CAMTA1: variants seen among roughly 807,000 people sequenced by gnomAD.
CAMTA1 encodes the protein calmodulin binding transcription activator 1.
CAMTA1 carries 27 observed loss-of-function variants against 170.9 expected under a neutral mutation model. That is an observed-to-expected ratio of 0.16 (90% CI 0.12 to 0.22). The LOEUF (loss-of-function observed/expected upper bound fraction) is 0.22. CAMTA1 is among the 10% of genes least tolerant of loss of function. CAMTA1 has a pLI of 1.00. For missense variants in CAMTA1, 1,619 were observed against 2,217.2 expected (o/e 0.73, Z 5.42); for synonymous variants, 833 against 891.5 (o/e 0.93, Z 1.17).
intron 5 of CAMTA1, among the ~76,000 whole-genome samples, chr1:7,328,242 A>G (rs909277788): frequency 9.2e-5 from 14 of 152,210 alleles, no homozygotes; most frequent in African/African-American, 3.4e-4. Context: ...CACACCTGTA[A>G]TCCCAGCACT....
At chr1:7,480,443 C>G (rs2093510390) in intron 6 of CAMTA1, among the ~76,000 whole-genome samples, 1 of 151,702 alleles carries the variant, frequency 6.6e-6, no homozygotes, top group Non-Finnish European at 1.5e-5. Context: ...GAGAGATATC[C>G]TCGCCCCTAG....
intron 6 of CAMTA1, among the ~76,000 whole-genome samples, chr1:7,509,950 A>T (rs2094178392): frequency 6.6e-6 from 1 of 150,766 alleles, no homozygotes; most frequent in Non-Finnish European, 1.5e-5. Flanking sequence ...AGCTACCCTG[A>T]CTCTCAGTGA....
rs901368863 is a variant in CAMTA1, at chr1:7,547,795, A to G, written c.510+79894A>G. Among the ~76,000 whole-genome samples the G allele has an allele frequency of 2.6e-5, 4 of 151,950 alleles. No individual in the cohort carries two copies. In the Middle Eastern group the frequency reaches 0.01, roughly 388 times the overall value. The stretch of plus-strand genomic sequence containing the variant: ...TTCTTCCAACATAATCTCCCTGTAC[A>G]CAACCAGTCTCACATCTCTGCCACC... On this transcript the variant is annotated intron_variant, in intron 6 of 22. Transcript: ENST00000303635. This position sits in a 1 kb window ranked among gnomAD's most constrained non-coding sequence, Gnocchi z 5.7.
chr1:7,728,943 A>G (rs973123354), intron 11 of CAMTA1, among the ~76,000 whole-genome samples: 1 of 152,168 alleles, frequency 6.6e-6, no homozygotes, highest in African/African-American at 2.4e-5. Flanking sequence ...CCCTGTGGGA[A>G]GTTGCCACTG....
chr1:7,705,185 C>T (rs893866615), intron 11 of CAMTA1, among the ~76,000 whole-genome samples: 1 of 148,728 alleles, frequency 6.7e-6, no homozygotes, highest in Non-Finnish European at 1.5e-5. Flanking sequence ...GTGTGAGGGG[C>T]GTGTTTCTGG....
chr1:6,839,377 C>G (rs1035461161), intron 3 of CAMTA1, among the ~76,000 whole-genome samples: 1 of 151,698 alleles, frequency 6.6e-6, no homozygotes, highest in African/African-American at 2.4e-5. Flanking sequence ...GCGAGACTCT[C>G]TTAAAAAAAC....
intron 1 of CAMTA1, among the ~76,000 whole-genome samples, chr1:6,810,985 G>T (rs1645100092): frequency 6.6e-6 from 1 of 152,236 alleles, no homozygotes; most frequent in African/African-American, 2.4e-5. Flanking sequence ...TGGAAGTGCA[G>T]TTCCAGTTGA....
chr1:7,113,961 C>T lies in CAMTA1; in HGVS notation c.302+22590C>T, dbSNP rs981011740. Among the ~76,000 whole-genome samples, 7 of 152,314 alleles carry T rather than the reference C, an allele frequency of 4.6e-5. No homozygotes were observed. Among genetic ancestry groups the T allele is most frequent in the African/African-American group, 1.4e-4 (6 of 41,568 alleles). On this transcript the variant is annotated intron_variant, in intron 4 of 22. Coordinates refer to ENST00000303635, the MANE Select transcript of CAMTA1 (RefSeq NM_015215.4). This position sits in a 1 kb window ranked among gnomAD's most constrained non-coding sequence, Gnocchi z 4.5. ...TTACATCATCGGCAAGCCACTGTTT[C>T]GGATTCTTCAGGGCTGGCCTTCCCT...
At chr1:6,983,864 G>C (rs1468283136) in intron 3 of CAMTA1, among the ~76,000 whole-genome samples, 2 of 147,722 alleles carry the variant, frequency 1.4e-5, no homozygotes, top group African/African-American at 2.5e-5. Context: ...AGATGAATGG[G>C]TGGGTGGATA....
Position 7,704,158 on chromosome 1 carries a change from A to ACGC in CAMTA1, c.2914+26435_2914+26437dup, listed in dbSNP as rs563084091. ...GCTCCTCCCGCCGGCTGCATTGCAG[A>ACGC]CGCCGCCGCCGCAGGGCGCGCCGGG... is the stretch of plus-strand genomic sequence containing the variant. On this transcript the variant is annotated intron_variant, in intron 11 of 22. Coordinates refer to ENST00000303635, the MANE Select transcript of CAMTA1 (RefSeq NM_015215.4). Among the ~76,000 whole-genome samples the ACGC allele has an allele frequency of 6.8e-3, 1,016 of 150,100 alleles. 33 individuals are homozygous for ACGC. Among genetic ancestry groups the ACGC allele is most frequent in the Admixed American group, 0.052 (783 of 15,072 alleles).
At chr1:6,799,276 G>A (rs532558897) in intron 1 of CAMTA1, among the ~76,000 whole-genome samples, 1 of 151,996 alleles carries the variant, frequency 6.6e-6, no homozygotes, top group Admixed American at 6.6e-5. Context: ...GCTATGTTGC[G>A]CAGGCTTGTC....
intron 4 of CAMTA1, among the ~76,000 whole-genome samples, chr1:7,137,316 T>C (rs9434853): frequency 1 from 152,272 of 152,272 alleles, 76,136 homozygotes; most frequent in Non-Finnish European, 1. Context: ...TTAGGATTTC[T>C]TTTTGACATT....
intron 4 of CAMTA1, among the ~76,000 whole-genome samples, chr1:7,131,114 T>G (rs1414538869): frequency 6.6e-6 from 1 of 152,016 alleles, no homozygotes. Flanking sequence ...CCATCATGCC[T>G]GGCTAATTTT....
chr1:7,498,320 A>G (rs2093873298), intron 6 of CAMTA1, among the ~76,000 whole-genome samples: 2 of 149,022 alleles, frequency 1.3e-5, no homozygotes, highest in South Asian at 2.2e-4. Context: ...ATGTGTGTGT[A>G]AGAGTGAGTG....
intron 5 of CAMTA1, among the ~76,000 whole-genome samples, chr1:7,462,509 C>G (rs1357267387): frequency 2.6e-5 from 4 of 152,232 alleles, no homozygotes; most frequent in Non-Finnish European, 5.9e-5. Flanking sequence ...AGGTGATTGG[C>G]CTCCCAAAGT....
intron 3 of CAMTA1, among the ~76,000 whole-genome samples, chr1:6,921,670 C>G (rs1474279824): frequency 6.6e-6 from 1 of 152,172 alleles, no homozygotes; most frequent in African/African-American, 2.4e-5. Context: ...CTGGGGAGGC[C>G]TCACAATCAT....
chr1:7,355,807 C>T (rs1440586867), intron 5 of CAMTA1, among the ~76,000 whole-genome samples: 2 of 149,820 alleles, frequency 1.3e-5, no homozygotes, highest in African/African-American at 2.5e-5. Context: ...TCCCTTGGCT[C>T]CGGCTCACAG....
intron 5 of CAMTA1, among the ~76,000 whole-genome samples, chr1:7,442,447 CA>C (rs1012951491): frequency 3.8e-4 from 58 of 152,140 alleles, no homozygotes; most frequent in Non-Finnish European, 1.0e-4. Context: ...CATAGATGAG[CA>C]GGCAGCCGGT....
chr1:7,513,295 G>A (rs181799297), intron 6 of CAMTA1, among the ~76,000 whole-genome samples: 69 of 152,288 alleles, frequency 4.5e-4, no homozygotes, highest in Non-Finnish European at 7.8e-4. Flanking sequence ...TCTTGCCATC[G>A]TAATGGCAGC....
Sources: gnomAD v4.1 joint callset for allele counts (sites outside exome capture counted in the v4.1 genomes callset) on GRCh38, gnomAD v4.1.1 for gene constraint, Gnocchi (gnomAD v3.1) non-coding constraint, MANE v1.5 for transcripts, NCBI Gene and HGNC (gene_info 2026-07-23, HGNC 2026-07-21) for gene names.